DPP6: variants seen among roughly 807,000 people sequenced by gnomAD.
DPP6 encodes dipeptidyl peptidase like 6.
In DPP6, 69 loss-of-function variants were observed where a neutral mutation model predicts 122.6. The ratio of observed to expected loss-of-function variants is 0.56; its 90% CI spans 0.46 to 0.69. The LOEUF is 0.69. DPP6 is among the 30% of genes least tolerant of loss of function. The pLI, the probability that DPP6 is intolerant of heterozygous loss-of-function variation, is 0.00. For missense variants in DPP6, 928 were observed against 1,116.9 expected, an observed-to-expected ratio of 0.83 and a Z score of 2.41; for synonymous variants, 418 against 433.1, an observed-to-expected ratio of 0.97 and a Z score of 0.43.
intron 3 of DPP6, among the ~76,000 whole-genome samples, chr7:154,526,854 C>T (rs1330375009): frequency 2.6e-5 from 4 of 152,302 alleles, no homozygotes; most frequent in South Asian, 2.1e-4. Context: ...TTCATAGGCT[C>T]CCAGCTCCTG....
intron 1 of DPP6, among the ~76,000 whole-genome samples, chr7:154,112,140 G>A (rs529700049): frequency 3.9e-5 from 6 of 152,242 alleles, no homozygotes; most frequent in African/African-American, 1.2e-4. Context: ...ACAAACTTAG[G>A]TTTTGGATGA....
In DPP6 at chr7:154,821,950, A is replaced by G. The variant is rs1353358908; in HGVS notation, c.1666+14838A>G. Among the ~76,000 whole-genome samples, 1 of 152,100 alleles carries G rather than the reference A, an allele frequency of 6.6e-6. No homozygotes were observed. The highest frequency in any genetic ancestry group is 1.5e-5 in the Non-Finnish European group (1 of 68,028). On this transcript the variant is annotated intron_variant, in intron 16 of 25. Coordinates refer to ENST00000377770, the MANE Select transcript of DPP6 (RefSeq NM_130797.4). The surrounding 1 kb of genome is among the most constrained non-coding windows in gnomAD (Gnocchi z 4.2). ...ACAGCGGTGCTTCCGGTTAAAAGCCAGTGTGGAATACATGTCTCAAGCTTC... is the reference window on the plus strand; with the variant it reads ...ACAGCGGTGCTTCCGGTTAAAAGCCGGTGTGGAATACATGTCTCAAGCTTC...
chr7:154,590,760 C>G (rs1266224775), intron 5 of DPP6, among the ~76,000 whole-genome samples: 1 of 151,196 alleles, frequency 6.6e-6, no homozygotes, highest in Admixed American at 6.6e-5. Context: ...TCTCGAACTC[C>G]CGACCTCAGG....
At chr7:154,598,523 A>G (rs1833237943) in intron 5 of DPP6, among the ~76,000 whole-genome samples, 1 of 152,218 alleles carries the variant, frequency 6.6e-6, no homozygotes, top group African/African-American at 2.4e-5. Context: ...TTCCAAGAAC[A>G]AAACACTGGT....
At chr7:154,397,695 C>T (rs1073088) in intron 1 of DPP6, among the ~76,000 whole-genome samples, 12,421 of 152,172 alleles carry the variant, frequency 0.082, 581 homozygotes, top group East Asian at 0.11. Flanking sequence ...ACTCAAATTC[C>T]GATGGAAATG....
chr7:154,718,429 A>T (rs12719592), intron 7 of DPP6, among the ~76,000 whole-genome samples: 146,226 of 152,180 alleles, frequency 0.96, 70,378 homozygotes, highest in Non-Finnish European at 0.99. Context: ...TTTTTTTAAG[A>T]GGTGAGAAAT....
intron 1 of DPP6, among the ~76,000 whole-genome samples, chr7:154,235,683 C>T (rs1445307636): frequency 1.3e-5 from 2 of 152,042 alleles, no homozygotes; most frequent in Non-Finnish European, 2.9e-5. Flanking sequence ...AAGCTAGAAT[C>T]CCTGTTTTTC....
intron 1 of DPP6, among the ~76,000 whole-genome samples, chr7:154,112,679 T>C (rs1294169138): frequency 6.6e-6 from 1 of 151,786 alleles, no homozygotes; most frequent in East Asian, 1.9e-4. Context: ...TCTCAGTAGG[T>C]ACTAAATAAA....
chr7:154,665,301 T>C (rs1047826892), intron 6 of DPP6, among the ~76,000 whole-genome samples: 1 of 152,244 alleles, frequency 6.6e-6, no homozygotes, highest in Non-Finnish European at 1.5e-5. Context: ...CTGCCAGGTT[T>C]CCACTGTAAA....
chr7:154,376,661 A>G (rs980495843), intron 1 of DPP6, among the ~76,000 whole-genome samples: 1 of 152,208 alleles, frequency 6.6e-6, no homozygotes, highest in African/African-American at 2.4e-5. Flanking sequence ...TTGACTTGCA[A>G]TGGTAGTTTC....
chr7:154,734,855 C>T (rs1586982825), intron 8 of DPP6, among the ~76,000 whole-genome samples: 1 of 152,206 alleles, frequency 6.6e-6, no homozygotes, highest in Non-Finnish European at 1.5e-5. Context: ...GCAGTATATG[C>T]TCCATAAGGT....
chr7:154,577,464 A>G (rs1055296216), intron 5 of DPP6, among the ~76,000 whole-genome samples: 204 of 152,214 alleles, frequency 1.3e-3, no homozygotes, highest in Middle Eastern at 6.8e-3. Flanking sequence ...CAGGTCAAGG[A>G]TTAGGTCCTC....
At chr7:153,887,874 C>T (rs931810379) in intron 1 of DPP6, 2 of 922,302 alleles carry the variant, frequency 2.2e-6, no homozygotes, top group African/African-American at 1.7e-5. Context: ...GCGCTTCTCC[C>T]ACTTCCCACC....
intron 1 of DPP6, among the ~76,000 whole-genome samples, chr7:154,258,242 C>T (rs1266267862): frequency 2.0e-5 from 3 of 152,150 alleles, no homozygotes; most frequent in Admixed American, 6.5e-5. Context: ...ATTCTAAGTA[C>T]ATTCAGATTG....
intron 1 of DPP6, chr7:154,305,595 TGTGCATGC>T (rs1488077135): frequency 1.3e-6 from 2 of 1,560,088 alleles, no homozygotes; most frequent in African/African-American, 2.7e-5. Context: ...TGTGCGTGCG[TGTGCATGC>T]GTGCATATGT....
At chr7:154,268,599 G>C (rs546498716) in intron 1 of DPP6, among the ~76,000 whole-genome samples, 2 of 152,168 alleles carry the variant, frequency 1.3e-5, no homozygotes, top group Non-Finnish European at 2.9e-5. Context: ...ATGGATGCAT[G>C]CATTCAGACC....
chr7:154,125,203 A>G (rs571873178), intron 1 of DPP6, among the ~76,000 whole-genome samples: 1 of 152,232 alleles, frequency 6.6e-6, no homozygotes, highest in Non-Finnish European at 1.5e-5. Context: ...GGGAGACATG[A>G]CACTCTGCTG....
At chr7:153,954,034 G>T (rs1802341788) in intron 1 of DPP6, among the ~76,000 whole-genome samples, 1 of 152,134 alleles carries the variant, frequency 6.6e-6, no homozygotes, top group African/African-American at 2.4e-5. Context: ...ATATTCTAGA[G>T]AGTCAATCTC....
chr7:153,997,551 A>T (rs1486079474), intron 1 of DPP6, among the ~76,000 whole-genome samples: 1 of 150,700 alleles, frequency 6.6e-6, no homozygotes, highest in Non-Finnish European at 1.5e-5. Context: ...TTGCTTCCCT[A>T]TAATAGAGGA....
Sources: allele counts gnomAD v4.1 joint callset (sites outside exome capture counted in the v4.1 genomes callset), GRCh38; gene constraint gnomAD v4.1.1; non-coding constraint Gnocchi (gnomAD v3.1); transcripts MANE v1.5; gene names NCBI Gene and HGNC (gene_info 2026-07-23, HGNC 2026-07-21).